KCNAB1: variants seen among roughly 807,000 people sequenced by gnomAD.
KCNAB1 encodes the protein potassium voltage-gated channel subfamily A regulatory beta subunit 1.
Under a neutral mutation model 64.6 loss-of-function variants are expected in KCNAB1, and 35 were observed. The observed-to-expected ratio is 0.54, with a 90% confidence interval of 0.41 to 0.72. KCNAB1 has a LOEUF of 0.72. KCNAB1 is among the 30% of genes least tolerant of loss of function. The pLI is 0.00. For synonymous variants in KCNAB1, 177 were observed against 183.8 expected (o/e 0.96, Z 0.30); for missense variants, 401 against 512.9 (o/e 0.78, Z 2.11).
chr3:156,149,365 T>C (rs1029382715), intron 1 of KCNAB1, among the ~76,000 whole-genome samples: 4 of 151,912 alleles, frequency 2.6e-5, no homozygotes, highest in Non-Finnish European at 4.4e-5. Flanking sequence ...CTACGGACTA[T>C]CATAGAAGCA....
intron 1 of KCNAB1, among the ~76,000 whole-genome samples, chr3:156,324,973 A>C (rs915417620): frequency 6.6e-6 from 1 of 152,088 alleles, no homozygotes; most frequent in African/African-American, 2.4e-5. Flanking sequence ...AGGCCTTATG[A>C]GGGTACAATT....
chr3:156,200,713 G>A (rs1714275347), intron 1 of KCNAB1, among the ~76,000 whole-genome samples: 1 of 152,212 alleles, frequency 6.6e-6, no homozygotes, highest in Admixed American at 6.5e-5. Flanking sequence ...CTGGCAGTGA[G>A]AATTTCAAGC....
chr3:156,492,267 C>A (rs979491668), intron 8 of KCNAB1, among the ~76,000 whole-genome samples: 1 of 152,066 alleles, frequency 6.6e-6, no homozygotes, highest in Non-Finnish European at 1.5e-5. Flanking sequence ...AAGATAAAAG[C>A]CTTAACATAT....
intron 1 of KCNAB1, among the ~76,000 whole-genome samples, chr3:156,146,995 A>G (rs944721361): frequency 2.6e-5 from 4 of 152,156 alleles, no homozygotes; most frequent in African/African-American, 9.7e-5. Flanking sequence ...TATTTAAGGA[A>G]CTCAAATGCA....
chr3:156,256,389 A>G (rs1576650700), intron 1 of KCNAB1, among the ~76,000 whole-genome samples: 2 of 152,366 alleles, frequency 1.3e-5, no homozygotes, highest in South Asian at 4.1e-4. Context: ...CTGAAGGATG[A>G]TGTGGCCCAG....
At chr3:156,454,374 T>G (rs539704940) in intron 3 of KCNAB1, among the ~76,000 whole-genome samples, 3 of 152,282 alleles carry the variant, frequency 2.0e-5, no homozygotes, top group East Asian at 1.9e-4. Flanking sequence ...CATAAAGGAC[T>G]GGGCCTTTAT....
chr3:156,173,068 G>C (rs540720475), intron 1 of KCNAB1, among the ~76,000 whole-genome samples: 3 of 152,174 alleles, frequency 2.0e-5, no homozygotes, highest in South Asian at 4.1e-4. Flanking sequence ...TTTAGAAAAG[G>C]CTTCTCCTCT....
intron 11 of KCNAB1, among the ~76,000 whole-genome samples, chr3:156,520,362 C>T (rs1717860648): frequency 6.6e-6 from 1 of 152,140 alleles, no homozygotes; most frequent in South Asian, 2.1e-4. Flanking sequence ...GGGCAGATCG[C>T]TTGAGCCCAG....
chr3:156,463,453 C>T (rs1464361148), intron 5 of KCNAB1, among the ~76,000 whole-genome samples: 2 of 152,124 alleles, frequency 1.3e-5, no homozygotes, highest in African/African-American at 2.4e-5. Context: ...TTATCACTGC[C>T]CTCCACCTCC....
At chr3:156,372,956 G>A (rs1245822010) in intron 1 of KCNAB1, among the ~76,000 whole-genome samples, 2 of 152,250 alleles carry the variant, frequency 1.3e-5, no homozygotes, top group Non-Finnish European at 2.9e-5. Flanking sequence ...ACTGGCAGAG[G>A]CATTGGCACA....
At chr3:156,261,652 G>A (rs890182721) in intron 1 of KCNAB1, among the ~76,000 whole-genome samples, 2 of 151,998 alleles carry the variant, frequency 1.3e-5, no homozygotes, top group African/African-American at 4.8e-5. Flanking sequence ...TAGCTTTGGA[G>A]TAAGTTTTAA....
intron 1 of KCNAB1, among the ~76,000 whole-genome samples, chr3:156,406,318 G>A (rs1384511416): frequency 1.3e-5 from 2 of 152,134 alleles, no homozygotes; most frequent in African/African-American, 4.8e-5. Context: ...TCCTTGGTCA[G>A]TCAGTCTGCA....
intron 11 of KCNAB1, among the ~76,000 whole-genome samples, chr3:156,522,395 A>G (rs1200945234): frequency 6.6e-6 from 1 of 152,110 alleles, no homozygotes. Context: ...CCCCGGCCCC[A>G]AGGCAGTGTC....
intron 1 of KCNAB1, among the ~76,000 whole-genome samples, chr3:156,342,975 C>T (rs1724244296): frequency 6.6e-6 from 1 of 152,166 alleles, no homozygotes. Context: ...ATGAAGTTTA[C>T]ATACATGTTA....
Position 156,161,414 on chromosome 3 carries a change from A to G in KCNAB1, c.275+40528A>G, listed in dbSNP as rs1716068657. 2.0e-5 allele frequency among the ~76,000 whole-genome samples: 3 copies of G among 152,234 alleles called. No individual in the cohort carries two copies. The South Asian group carries it at 6.2e-4, about 32-fold the overall frequency. ...CCCTTTTATTGATGACCTAACTGAAAGATGGAATAATTTGTTGACACACAC... is the reference window on the plus strand; with the variant it reads ...CCCTTTTATTGATGACCTAACTGAAGGATGGAATAATTTGTTGACACACAC... On this transcript the variant is annotated intron_variant, in intron 1 of 13. Transcript: ENST00000490337.
At position 156,179,416 on chromosome 3, in the gene KCNAB1, A is replaced by ACC. The variant is rs1284524252; in HGVS notation, c.275+58540_275+58541dup. Among the ~76,000 whole-genome samples, 49 of 75,974 alleles carry ACC rather than the reference A, an allele frequency of 6.4e-4. 1 individual carries two copies. The East Asian group carries it at 6.8e-3, about 11-fold the overall frequency. 49.8% of individuals were successfully genotyped at this position (75,974 alleles called of 152,430 possible). A position where few individuals can be genotyped will look rare whatever the true frequency, so the allele number is the denominator to read the frequency against. Reference sequence around the variant, plus strand: ...ATTCTTTATTATTCCCTGGTTTGGAACCCCCCCCCCCACCCCCTCACCCCC... The same window carrying ACC: ...ATTCTTTATTATTCCCTGGTTTGGAACCCCCCCCCCCCCACCCCCTCACCCCC... On this transcript the variant is annotated intron_variant, in intron 1 of 13. Coordinates refer to ENST00000490337, the MANE Select transcript of KCNAB1 (RefSeq NM_172160.3).
At chr3:156,289,388 C>G (rs1720269594) in intron 1 of KCNAB1, among the ~76,000 whole-genome samples, 1 of 152,234 alleles carries the variant, frequency 6.6e-6, no homozygotes, top group East Asian at 1.9e-4. Flanking sequence ...GCTGTTCCTT[C>G]TGATTCCTCC....
chr3:156,169,612 G>A (rs571782908), intron 1 of KCNAB1, among the ~76,000 whole-genome samples: 4 of 152,288 alleles, frequency 2.6e-5, no homozygotes, highest in East Asian at 1.9e-4. Context: ...AAGGTGGAGC[G>A]TGATGGGAGG....
chr3:156,277,758 C>G (rs1326783441), intron 1 of KCNAB1, among the ~76,000 whole-genome samples: 1 of 152,138 alleles, frequency 6.6e-6, no homozygotes. Flanking sequence ...TGGGTATATA[C>G]CCAGTAGTGG....
Sources: allele counts gnomAD v4.1 joint callset (sites outside exome capture counted in the v4.1 genomes callset), GRCh38; gene constraint gnomAD v4.1.1; transcripts MANE v1.5; gene names NCBI Gene and HGNC (gene_info 2026-07-23, HGNC 2026-07-21).